The following SLC25A43 variants were observed in gnomAD, a reference collection of about 807,000 sequenced individuals.
The protein encoded by SLC25A43 is solute carrier family 25, member 43.
In SLC25A43, 10 loss-of-function variants were observed where a neutral mutation model predicts 22.8. The ratio of observed to expected loss-of-function variants is 0.44; its 90% CI spans 0.27 to 0.74. SLC25A43 has a LOEUF of 0.74. Among genes scored for constraint, SLC25A43 ranks in the 30% least tolerant of loss-of-function variants. The probability of loss-of-function intolerance (pLI) is 0.17; values close to 1 mark genes in which losing one functional copy is unlikely to be tolerated. For missense variants in SLC25A43, 233 were observed against 279.1 expected (o/e 0.83, Z 1.18); for synonymous variants, 106 against 121.6 (o/e 0.87, Z 0.84).
At chrX:119,431,172 T>C (rs909027650) in intron 3 of SLC25A43, among the ~76,000 whole-genome samples, 21 of 112,051 alleles carry the variant, frequency 1.9e-4, no homozygotes, top group South Asian at 3.7e-4. Flanking sequence ...AATACGATAA[T>C]ACTACCTCTT....
intron 3 of SLC25A43, among the ~76,000 whole-genome samples, chrX:119,446,640 A>G (rs2052670822): frequency 8.9e-6 from 1 of 112,670 alleles, no homozygotes; most frequent in Admixed American, 9.4e-5. Context: ...AAGATTCTAC[A>G]TTACATTGTA....
chrX:119,453,171 T>C lies in SLC25A43; in HGVS notation c.*106T>C, dbSNP rs2052718746. 1 of 693,333 alleles carries C rather than the reference T, an allele frequency of 1.4e-6. No homozygotes were observed. Among genetic ancestry groups the C allele is most frequent in the African/African-American group, 2.1e-5 (1 of 46,570 alleles). 57.1% of individuals were successfully genotyped at this position (693,333 alleles called of 1,213,427 possible). A position where few individuals can be genotyped will look rare whatever the true frequency, so the allele number is the denominator to read the frequency against. Reference sequence around the variant, plus strand: ...GGAGGGATGAGAAGCTACTGCTATCTGCTGCTCTGGGAAATGAGATGGTTT... The same window carrying C: ...GGAGGGATGAGAAGCTACTGCTATCCGCTGCTCTGGGAAATGAGATGGTTT... On this transcript the variant is annotated 3_prime_UTR_variant, in exon 5 of 5. Coordinates refer to ENST00000217909, the MANE Select transcript of SLC25A43 (RefSeq NM_145305.3).
intron 3 of SLC25A43, among the ~76,000 whole-genome samples, chrX:119,419,804 T>G (rs1040079841): frequency 1.8e-5 from 2 of 111,560 alleles, no homozygotes; most frequent in Non-Finnish European, 3.8e-5. Context: ...AACTTGTGTT[T>G]GACTCTTCCC....
chrX:119,406,899 C>G (rs755799661), intron 2 of SLC25A43, among the ~76,000 whole-genome samples, 198 bp downstream of exon 2: 1 of 112,882 alleles, frequency 8.9e-6, no homozygotes, highest in African/African-American at 3.2e-5. Context: ...GTTACATCCC[C>G]GGGAGGGGAG....
rs1179650961 is a variant in SLC25A43 at position 119,443,752 on chromosome X, T to TTA, written c.691-8256_691-8255insAT. On this transcript the variant is annotated intron_variant, in intron 3 of 4. Transcript: ENST00000217909. ...TTTATTTATTTATTTATTTATTTAT[T>TTA]TTTATTTTTTTGAAACAGGGTTTTT... Among the ~76,000 whole-genome samples, 308 of 102,556 alleles carry TTA rather than the reference T, an allele frequency of 3.0e-3. 3 individuals are homozygous for TTA. Among genetic ancestry groups the TTA allele is most frequent in the African/African-American group, 0.01 (288 of 27,925 alleles). 89.1% of individuals were successfully genotyped at this position (102,556 alleles called of 115,157 possible). A position where few individuals can be genotyped will look rare whatever the true frequency, so the allele number is the denominator to read the frequency against.
At chrX:119,405,276 A>G (rs2052280266) in intron 1 of SLC25A43, among the ~76,000 whole-genome samples, 1 of 111,640 alleles carries the variant, frequency 9.0e-6, no homozygotes, top group African/African-American at 3.3e-5. Context: ...CTACAGCTTG[A>G]AGATGTTTTT....
At chrX:119,403,491 T>C (rs892035530) in intron 1 of SLC25A43, among the ~76,000 whole-genome samples, 1 of 111,438 alleles carries the variant, frequency 9.0e-6, no homozygotes, top group South Asian at 3.8e-4. Flanking sequence ...GGTTTCACTA[T>C]GTTGACCAGG....
intron 3 of SLC25A43, among the ~76,000 whole-genome samples, chrX:119,429,765 C>G (rs1210526719): frequency 8.9e-6 from 1 of 111,776 alleles, no homozygotes; most frequent in Middle Eastern, 4.2e-3. Context: ...AGGCTCCTGA[C>G]TTCGTGTGGA....
intron 1 of SLC25A43, among the ~76,000 whole-genome samples, chrX:119,402,725 G>A (rs1234437809): frequency 3.6e-5 from 4 of 111,048 alleles, no homozygotes; most frequent in African/African-American, 1.3e-4. Context: ...TGTATGTGTG[G>A]GGGTGGGAGG....
rs1024762064 is a variant in SLC25A43 at position 119,411,894 on chromosome X, A to T, written c.690+1532A>T. ...ACTAAAAATAAAAATTTTTAAAAAA[A>T]TTCCACTTCCATAGGCTAGGCTGTC... On this transcript the variant is annotated intron_variant, in intron 3 of 4. Transcript: ENST00000217909. 2.7e-5 allele frequency among the ~76,000 whole-genome samples: 3 copies of T among 111,994 alleles called. No homozygotes were observed. The Admixed American group carries it at 2.9e-4, about 11-fold the overall frequency.
chrX:119,450,737 C>T (rs1216013380), intron 3 of SLC25A43, among the ~76,000 whole-genome samples: 1 of 101,826 alleles, frequency 9.8e-6, no homozygotes. Context: ...ATGTGTATAG[C>T]TTAATCTAAA....
At chrX:119,419,084 G>A (rs1603296020) in intron 3 of SLC25A43, among the ~76,000 whole-genome samples, 1 of 112,373 alleles carries the variant, frequency 8.9e-6, no homozygotes, top group East Asian at 2.8e-4. Context: ...AGGTGCATGT[G>A]AAGAAGAGAG....
intron 2 of SLC25A43, among the ~76,000 whole-genome samples, chrX:119,409,807 G>C (rs1411990727): frequency 9.2e-6 from 1 of 109,144 alleles, no homozygotes; most frequent in African/African-American, 3.3e-5. Flanking sequence ...GTAGAGATGG[G>C]GTTTCACCAT....
At chrX:119,415,043 C>A (rs866200820) in intron 3 of SLC25A43, among the ~76,000 whole-genome samples, 1 of 108,812 alleles carries the variant, frequency 9.2e-6, no homozygotes, top group South Asian at 4.1e-4. Context: ...CCTCAGCCTC[C>A]TGAGTAGCTG....
rs1417265665 is a variant in SLC25A43 at position 119,423,078 on chromosome X, A to G, written c.690+12716A>G. 3 of 111,569 alleles carry G rather than the reference A, an allele frequency of 2.7e-5. No homozygotes were observed. The East Asian group carries it at 8.4e-4, about 31-fold the overall frequency. 9.2% of individuals were successfully genotyped at this position (111,569 alleles called of 1,213,427 possible). On this transcript the variant is annotated intron_variant, in intron 3 of 4. Transcript: ENST00000217909. The stretch of plus-strand genomic sequence containing the variant: ...CTCAGCCCTGAAGTCGGCCCTGTGA[A>G]ACCTGTGGACACAAAAAGTTGGCCC...
At chrX:119,430,773 T>C (rs887661754) in intron 3 of SLC25A43, among the ~76,000 whole-genome samples, 3 of 112,563 alleles carry the variant, frequency 2.7e-5, no homozygotes, top group Non-Finnish European at 5.6e-5. Flanking sequence ...TGAGATGTAC[T>C]GGGATCTAGG....
At chrX:119,442,637 G>A (rs1023170891) in intron 3 of SLC25A43, among the ~76,000 whole-genome samples, 2 of 111,873 alleles carry the variant, frequency 1.8e-5, no homozygotes, top group Non-Finnish European at 3.8e-5. Flanking sequence ...GGTTGAGTCC[G>A]AACAATGCTA....
chrX:119,406,889 G>A (rs771013676), intron 2 of SLC25A43, among the ~76,000 whole-genome samples, 188 bp downstream of exon 2: 14 of 113,016 alleles, frequency 1.2e-4, no homozygotes, highest in Non-Finnish European at 2.2e-4. Flanking sequence ...ACTTTGGCCA[G>A]TTACATCCCC....
At chrX:119,428,323 T>C (rs1171323181) in intron 3 of SLC25A43, among the ~76,000 whole-genome samples, 1 of 111,078 alleles carries the variant, frequency 9.0e-6, no homozygotes, top group Admixed American at 9.6e-5. Context: ...AGCGTGGTGG[T>C]GGGCACCTGT....
Sources: gnomAD v4.1 joint callset for allele counts (sites outside exome capture counted in the v4.1 genomes callset) on GRCh38, gnomAD v4.1.1 for gene constraint, MANE v1.5 for transcripts, NCBI Gene and HGNC (gene_info 2026-07-23, HGNC 2026-07-21) for gene names.